PAPOLA: variants seen among roughly 807,000 people sequenced by gnomAD.
The protein encoded by PAPOLA is poly(A) polymerase alpha.
PAPOLA carries 15 observed loss-of-function variants against 100.6 expected under a neutral mutation model. The observed-to-expected ratio is 0.15, with a 90% CI of 0.10 to 0.23. The LOEUF is 0.23. Among genes scored for constraint, PAPOLA ranks in the 10% least tolerant of loss-of-function variants. The pLI is 1.00. For missense variants in PAPOLA, 533 were observed against 884.2 expected (o/e 0.60, Z 5.04); for synonymous variants, 293 against 300.0 (o/e 0.98, Z 0.24).
At chr14:96,553,056 T>C (rs1900978350) in intron 17 of PAPOLA, 1 of 153,536 alleles carries the variant, frequency 6.5e-6, no homozygotes, top group African/African-American at 2.4e-5. Context: ...GTCTAACATT[T>C]ACAGCAGTTA....
chr14:96,533,864 T>A lies in PAPOLA; in HGVS notation c.837-627T>A, dbSNP rs1006661409. 3 of 985,140 alleles carry A rather than the reference T, an allele frequency of 3.0e-6. No individual in the cohort carries two copies. The African/African-American group carries it at 5.2e-5, about 17-fold the overall frequency. 61.0% of individuals were successfully genotyped at this position (985,140 alleles called of 1,614,324 possible). Reference sequence around the variant, plus strand: ...CACCGCGTCCGGCTGTCAGAATTTCTTTTAATGCTACACATATATAAGCAA... The same window carrying A: ...CACCGCGTCCGGCTGTCAGAATTTCATTTAATGCTACACATATATAAGCAA... On this transcript the variant is annotated intron_variant, in intron 9 of 21. Coordinates refer to ENST00000216277, the MANE Select transcript of PAPOLA (RefSeq NM_032632.5).
chr14:96,534,947 A>G, intron 10 of PAPOLA: 30 of 994,844 alleles, frequency 3.0e-5, no homozygotes, highest in Non-Finnish European at 3.5e-5. Context: ...GTTATAGGAA[A>G]GCTGTTACTT....
At chr14:96,534,043 T>G in intron 9 of PAPOLA, 1 of 987,890 alleles carries the variant, frequency 1.0e-6, no homozygotes, top group Non-Finnish European at 1.2e-6. Context: ...GTCTTACCAC[T>G]TTTAAGTCAT....
At chr14:96,508,922 A>G (rs1163075751) in intron 1 of PAPOLA, among the ~76,000 whole-genome samples, 2 of 152,232 alleles carry the variant, frequency 1.3e-5, no homozygotes, top group African/African-American at 4.8e-5. Flanking sequence ...AAGGTACTAA[A>G]TTGTAGATTG....
At chr14:96,543,614 A>G (rs1464466516) in intron 14 of PAPOLA, among the ~76,000 whole-genome samples, 1 of 151,936 alleles carries the variant, frequency 6.6e-6, no homozygotes, top group Non-Finnish European at 1.5e-5. Context: ...TGGTAATTCT[A>G]ATCTTAATTA....
chr14:96,507,259 A>C (rs1399463621), intron 1 of PAPOLA, among the ~76,000 whole-genome samples: 1 of 149,964 alleles, frequency 6.7e-6, no homozygotes, highest in East Asian at 1.9e-4. Context: ...ATTCTTACTA[A>C]ATTTTTTGTT....
chr14:96,510,486 T>C (rs1237209951), intron 1 of PAPOLA, among the ~76,000 whole-genome samples: 1 of 151,702 alleles, frequency 6.6e-6, no homozygotes, highest in Non-Finnish European at 1.5e-5. Context: ...CACGCGCGCG[T>C]GCGCTTGTGC....
rs554295261 is a variant in PAPOLA, at chr14:96,558,292, C to T, written c.2004+1879C>T. ...GGTTGTGCAGCAGCTAAAGAATATA[C>T]TCAATTTTTGTGTCAATTACACATT... On this transcript the variant is annotated intron_variant, in intron 19 of 21. Transcript: ENST00000216277. 1.1e-4 allele frequency among the ~76,000 whole-genome samples: 16 copies of T among 152,292 alleles called. No individual in the cohort carries two copies. The South Asian group carries it at 3.3e-3, about 32-fold the overall frequency.
At chr14:96,545,291 A>G (rs1486069931) in intron 15 of PAPOLA, among the ~76,000 whole-genome samples, 1 of 152,104 alleles carries the variant, frequency 6.6e-6, no homozygotes, top group Non-Finnish European at 1.5e-5. Flanking sequence ...ATGTATTTCA[A>G]TATGTCAGTG....
rs935633009 is a variant in PAPOLA, at chr14:96,537,150, T to C, written c.1115+90T>C. The C allele has an allele frequency of 5.3e-5, 41 of 766,548 alleles. No individual in the cohort carries two copies. The African/African-American group carries it at 5.9e-4, about 11-fold the overall frequency. The allele number at this position is 766,548 out of a possible 1,614,324, so 47.5% of individuals were successfully genotyped here. On this transcript the variant is annotated intron_variant, in intron 12 of 21. Transcript: ENST00000216277. ...ATGACATTTCTTCTTGCTGGACTAATGTTATTGGAAGAATTTTCTTTCCTG... is the reference window on the plus strand; with the variant it reads ...ATGACATTTCTTCTTGCTGGACTAACGTTATTGGAAGAATTTTCTTTCCTG...
intron 14 of PAPOLA, 126 bp downstream of exon 14, chr14:96,543,019 G>T: frequency 1.1e-6 from 1 of 949,682 alleles, no homozygotes; most frequent in Non-Finnish European, 1.6e-6. Flanking sequence ...AGACAATTTA[G>T]AACTTATAAT....
chr14:96,555,523 T>C (rs541645538), intron 17 of PAPOLA, among the ~76,000 whole-genome samples: 28 of 152,190 alleles, frequency 1.8e-4, no homozygotes, highest in African/African-American at 6.5e-4. Flanking sequence ...TAATTAAAAT[T>C]AAATAGTTTC....
intron 3 of PAPOLA, among the ~76,000 whole-genome samples, chr14:96,524,444 A>G (rs941389078): frequency 6.6e-6 from 1 of 152,124 alleles, no homozygotes; most frequent in African/African-American, 2.4e-5. Context: ...TTATTTACCA[A>G]TATTGGCTTT....
intron 1 of PAPOLA, among the ~76,000 whole-genome samples, chr14:96,509,733 C>A (rs1216671368): frequency 6.6e-6 from 1 of 152,130 alleles, no homozygotes; most frequent in Non-Finnish European, 1.5e-5. Flanking sequence ...CATTAGGAAG[C>A]ATTTGTGTAT....
intron 1 of PAPOLA, chr14:96,504,759 G>A (rs1356303135): frequency 6.6e-6 from 1 of 152,144 alleles, no homozygotes; most frequent in Non-Finnish European, 1.5e-5. Context: ...CCTAGTTAAA[G>A]AAAAATAGGG....
At chr14:96,532,475 C>T (rs1314941348) in intron 8 of PAPOLA, 36 bp from the exon 9 acceptor site, 1 of 1,606,952 alleles carries the variant, frequency 6.2e-7, no homozygotes. Context: ...TTTTGTTCAA[C>T]ACTAACTTAT....
chr14:96,531,637 A>G (rs1899026316), intron 7 of PAPOLA, 51 bp downstream of exon 7: 2 of 1,556,280 alleles, frequency 1.3e-6, no homozygotes, highest in Non-Finnish European at 8.7e-7. Context: ...GTCAGATATT[A>G]GTTGTTTTTA....
intron 6 of PAPOLA, among the ~76,000 whole-genome samples, chr14:96,529,158 A>G (rs888621480): frequency 6.6e-6 from 1 of 152,182 alleles, no homozygotes; most frequent in African/African-American, 2.4e-5. Context: ...AAATTTAGTA[A>G]TCATTTTCAC....
chr14:96,520,485 C>T (rs1018520805), intron 2 of PAPOLA, among the ~76,000 whole-genome samples: 4 of 152,138 alleles, frequency 2.6e-5, no homozygotes, highest in Non-Finnish European at 2.9e-5. Context: ...AAGCGATTCT[C>T]CTGCCTCAGC....
Sources: allele counts gnomAD v4.1 joint callset (sites outside exome capture counted in the v4.1 genomes callset), GRCh38; gene constraint gnomAD v4.1.1; transcripts MANE v1.5; gene names NCBI Gene and HGNC (gene_info 2026-07-23, HGNC 2026-07-21).